The following CAMTA1 variants were observed in gnomAD, a reference collection of about 807,000 sequenced individuals.
CAMTA1 encodes the protein calmodulin-binding transcription activator 1.
Under a neutral mutation model 170.9 loss-of-function variants are expected in CAMTA1, and 27 were observed. The ratio of observed to expected loss-of-function variants is 0.16; its 90% CI spans 0.12 to 0.22. The LOEUF (loss-of-function observed/expected upper bound fraction) is 0.22, where lower values mean the gene tolerates loss of function less well. Among genes scored for constraint, CAMTA1 ranks in the 10% least tolerant of loss-of-function variants. The pLI is 1.00. For missense variants in CAMTA1, 1,619 were observed against 2,217.2 expected (o/e 0.73, Z 5.42); for synonymous variants, 833 against 891.5 (o/e 0.93, Z 1.17).
intron 5 of CAMTA1, among the ~76,000 whole-genome samples, chr1:7,347,128 C>G (rs1223302362): frequency 6.6e-6 from 1 of 152,190 alleles, no homozygotes; most frequent in Non-Finnish European, 1.5e-5. Flanking sequence ...CTGCCTCATC[C>G]CGGTGGCAGC....
At chr1:6,844,315 T>C (rs1657069398) in intron 3 of CAMTA1, among the ~76,000 whole-genome samples, 1 of 152,118 alleles carries the variant, frequency 6.6e-6, no homozygotes, top group Non-Finnish European at 1.5e-5. Context: ...CATGCACACA[T>C]ACACACAAAT....
intron 3 of CAMTA1, among the ~76,000 whole-genome samples, chr1:6,973,504 G>A (rs1015768576): frequency 5.9e-5 from 9 of 152,228 alleles, no homozygotes; most frequent in South Asian, 2.1e-4. Flanking sequence ...TATATCCCAC[G>A]CTCCCTTTAT....
At chr1:7,631,707 C>T (rs6695775) in intron 6 of CAMTA1, among the ~76,000 whole-genome samples, 20,550 of 152,134 alleles carry the variant, frequency 0.14, 1,509 homozygotes, top group African/African-American at 0.16. Context: ...GAGCAGCAGG[C>T]GCCCGCGTGC....
intron 5 of CAMTA1, among the ~76,000 whole-genome samples, chr1:7,291,230 A>G (rs977724509): frequency 6.6e-6 from 1 of 152,098 alleles, no homozygotes; most frequent in Non-Finnish European, 1.5e-5. Flanking sequence ...GGGCAGAGAC[A>G]AAGGGGGTGC....
chr1:7,386,280 T>C (rs2087973088), intron 5 of CAMTA1, among the ~76,000 whole-genome samples: 1 of 152,214 alleles, frequency 6.6e-6, no homozygotes, highest in South Asian at 2.1e-4. Context: ...GTTAGCATCT[T>C]GTGCAGAGTC....
At chr1:7,382,392 C>T (rs1181889635) in intron 5 of CAMTA1, 2 of 152,150 alleles carry the variant, frequency 1.3e-5, no homozygotes, top group Admixed American at 1.3e-4. Context: ...AGAGGATGTG[C>T]GCTAATTGCT....
chr1:7,688,497 G>A (rs1576886688), intron 11 of CAMTA1, among the ~76,000 whole-genome samples: 1 of 152,130 alleles, frequency 6.6e-6, no homozygotes, highest in African/African-American at 2.4e-5. Context: ...CCATCTCCCT[G>A]GAAACCAAGG....
At chr1:7,228,374 G>A (rs1022172005) in intron 4 of CAMTA1, among the ~76,000 whole-genome samples, 17 of 152,300 alleles carry the variant, frequency 1.1e-4, no homozygotes, top group African/African-American at 4.1e-4. Context: ...GGGCCGAGGC[G>A]GGCAGGTTCA....
intron 6 of CAMTA1, among the ~76,000 whole-genome samples, chr1:7,468,910 A>G (rs893344680): frequency 5.9e-5 from 9 of 152,180 alleles, no homozygotes; most frequent in African/African-American, 1.7e-4. Flanking sequence ...AGAGTCACAC[A>G]TGCCACGGAG....
intron 4 of CAMTA1, among the ~76,000 whole-genome samples, chr1:7,247,916 G>A (rs1485337142): frequency 6.6e-6 from 1 of 152,178 alleles, no homozygotes; most frequent in Non-Finnish European, 1.5e-5. Context: ...ACAGCATTGT[G>A]ACAAGCGCGT....
At position 6,990,675 on chromosome 1, in the gene CAMTA1, A is replaced by G. The variant is rs565480929; in HGVS notation, c.235-100629A>G. Reference sequence around the variant, plus strand: ...GGGTTCCTCTGGTCTCTTCTTAGTCAATGCTCTCCTACCCCCAGGCAACCA... The same window carrying G: ...GGGTTCCTCTGGTCTCTTCTTAGTCGATGCTCTCCTACCCCCAGGCAACCA... On this transcript the variant is annotated intron_variant, in intron 3 of 22. Transcript: ENST00000303635. 6.6e-5 allele frequency among the ~76,000 whole-genome samples: 10 copies of G among 152,186 alleles called. No homozygotes were observed. In the South Asian group the frequency reaches 2.1e-3, roughly 32 times the overall value.
intron 2 of CAMTA1, among the ~76,000 whole-genome samples, chr1:6,821,191 T>C (rs1353935934): frequency 6.6e-6 from 1 of 152,244 alleles, no homozygotes; most frequent in Non-Finnish European, 1.5e-5. Flanking sequence ...TCTGTTTCTT[T>C]AACCTTTTAA....
chr1:7,393,069 AG>A (rs1223883643), intron 5 of CAMTA1, among the ~76,000 whole-genome samples: 1 of 150,458 alleles, frequency 6.6e-6, no homozygotes, highest in African/African-American at 2.4e-5. Flanking sequence ...AAAAAAAAAA[AG>A]TTTTAGTTGC....
At chr1:6,875,368 T>G (rs1669536653) in intron 3 of CAMTA1, among the ~76,000 whole-genome samples, 1 of 152,198 alleles carries the variant, frequency 6.6e-6, no homozygotes, top group Admixed American at 6.5e-5. Flanking sequence ...CTCAGCTCAC[T>G]GCAACCTCTG....
At chr1:7,661,435 T>G (rs1160260162) in intron 7 of CAMTA1, among the ~76,000 whole-genome samples, 1 of 152,188 alleles carries the variant, frequency 6.6e-6, no homozygotes, top group Non-Finnish European at 1.5e-5. Context: ...CCTCGTGCAC[T>G]CTGACTTTAG....
intron 11 of CAMTA1, among the ~76,000 whole-genome samples, chr1:7,695,225 G>C (rs777414834): frequency 6.6e-6 from 1 of 152,114 alleles, no homozygotes; most frequent in Non-Finnish European, 1.5e-5. Flanking sequence ...CAGCACTCTG[G>C]AACTTGGAAA....
intron 5 of CAMTA1, among the ~76,000 whole-genome samples, chr1:7,258,164 G>A (rs1300267389): frequency 6.6e-6 from 1 of 152,196 alleles, no homozygotes. Context: ...CTGGTGTTGG[G>A]GGAGAAGCTT....
Position 7,324,383 on chromosome 1 carries a change from A to G in CAMTA1, c.438+74757A>G, listed in dbSNP as rs139743578. Among the ~76,000 whole-genome samples the G allele has an allele frequency of 6.9e-3, 1,045 of 152,164 alleles. 10 individuals carry two copies. Among genetic ancestry groups the G allele is most frequent in the African/African-American group, 0.024 (1,006 of 41,528 alleles). ...ACTATTCCAGGTTTAAATAGCATATATAAAGATTCTTAAAAAAAATCCAGG... is the reference window on the plus strand; with the variant it reads ...ACTATTCCAGGTTTAAATAGCATATGTAAAGATTCTTAAAAAAAATCCAGG... On this transcript the variant is annotated intron_variant, in intron 5 of 22. Transcript: ENST00000303635.
intron 6 of CAMTA1, among the ~76,000 whole-genome samples, chr1:7,537,672 G>A (rs1487494832): frequency 6.6e-6 from 1 of 152,168 alleles, no homozygotes; most frequent in Non-Finnish European, 1.5e-5. Context: ...CCTCACTGAT[G>A]AATCTCTTCC....
Sources: gnomAD v4.1 joint callset for allele counts (sites outside exome capture counted in the v4.1 genomes callset) on GRCh38, gnomAD v4.1.1 for gene constraint, MANE v1.5 for transcripts, NCBI Gene and HGNC (gene_info 2026-07-23, HGNC 2026-07-21) for gene names.